SNED1: variants seen among roughly 807,000 people sequenced by gnomAD.
The protein encoded by SNED1 is sushi, nidogen and EGF-like domain-containing protein 1.
Under a neutral mutation model 166.7 loss-of-function variants are expected in SNED1, and 81 were observed. That is an observed-to-expected ratio of 0.49 (90% CI 0.41 to 0.58). The LOEUF is 0.58. SNED1 is among the 20% of genes least tolerant of loss of function. The pLI is 0.00. For missense variants in SNED1, 1,604 were observed against 2,000.2 expected (o/e 0.80, Z 3.78); for synonymous variants, 762 against 822.0 (o/e 0.93, Z 1.25).
At position 241,064,398 on chromosome 2, in the gene SNED1, C is replaced by T. The variant is rs1240067669; in HGVS notation, c.2599+273C>T. On this transcript the variant is annotated intron_variant, in intron 19 of 31. Coordinates refer to ENST00000310397, the MANE Select transcript of SNED1 (RefSeq NM_001080437.3). This position sits in a 1 kb window ranked among gnomAD's most constrained non-coding sequence, Gnocchi z 7.0. Reference sequence around the variant, plus strand: ...GAGGACACACCCAGGGGTGGGGCCTCACGTCCACACATAGGCCCTGCTGCC... The same window carrying T: ...GAGGACACACCCAGGGGTGGGGCCTTACGTCCACACATAGGCCCTGCTGCC... Among the ~76,000 whole-genome samples the T allele has an allele frequency of 6.6e-6, 1 of 152,180 alleles. No individual in the cohort carries two copies. The highest frequency in any genetic ancestry group is 1.5e-5 in the Non-Finnish European group (1 of 68,022).
At chr2:241,016,885 T>C (rs1404888456) in intron 1 of SNED1, among the ~76,000 whole-genome samples, 2 of 148,588 alleles carry the variant, frequency 1.3e-5, no homozygotes, top group African/African-American at 2.5e-5. Context: ...GAGGTTTTGC[T>C]CTTGTCGCCC....
rs2062582602 is a variant in SNED1, at chr2:241,068,889, C to G, written c.3195-22C>G. ...CAGGTCCCAGACATCCCTGTTCTCT[C>G]TTTGTCACCTCCTGCCCACAGGGCC... On this transcript the variant is annotated intron_variant, in intron 22 of 31. Coordinates refer to ENST00000310397, the MANE Select transcript of SNED1 (RefSeq NM_001080437.3). The surrounding 1 kb of genome is among the most constrained non-coding windows in gnomAD (Gnocchi z 5.3). The G allele has an allele frequency of 1.3e-6, 2 of 1,507,356 alleles. No individual in the cohort carries two copies. The highest frequency in any genetic ancestry group is 1.8e-6 in the Non-Finnish European group (2 of 1,110,546). The allele number at this position is 1,507,356 out of a possible 1,614,324, so 93.4% of individuals were successfully genotyped here.
At chr2:241,083,068 C>T (rs1017419072) in intron 29 of SNED1, among the ~76,000 whole-genome samples, 1 of 151,172 alleles carries the variant, frequency 6.6e-6, no homozygotes, top group African/African-American at 2.4e-5. Context: ...AGACAACAGA[C>T]AGCAGTGAGA....
chr2:241,036,789 G>GCGTC lies in SNED1; in HGVS notation c.809_812dup (p.Cys272ArgfsTer77), dbSNP rs766405717. 2.5e-6 allele frequency: 4 copies of GCGTC among 1,607,514 alleles called. No individual in the cohort carries two copies. The highest frequency in any genetic ancestry group is 3.4e-6 in the Non-Finnish European group (4 of 1,179,578). On this transcript the variant is annotated frameshift_variant and splice_region_variant. Coordinates refer to ENST00000310397, the MANE Select transcript of SNED1 (RefSeq NM_001080437.3). LOFTEE classifies it high-confidence loss of function. ...GCTCCAGCCCCTCCCTATGTCTGCA[G>GCGTC]CGTCCGTGTGCCTGGCCCTGCGCCC...
At chr2:241,044,172 G>A (rs745814261) in intron 8 of SNED1, among the ~76,000 whole-genome samples, 9 of 152,198 alleles carry the variant, frequency 5.9e-5, no homozygotes, top group African/African-American at 9.7e-5. Flanking sequence ...AGTAAAAGCC[G>A]ATAGCAAGAT....
intron 1 of SNED1, among the ~76,000 whole-genome samples, chr2:241,021,110 G>A (rs918399440): frequency 1.3e-5 from 2 of 152,136 alleles, no homozygotes; most frequent in African/African-American, 2.4e-5. Flanking sequence ...AGGAATTGGG[G>A]GCTCAGCACA....
At chr2:241,036,212 C>A (rs569632554) in intron 4 of SNED1, among the ~76,000 whole-genome samples, 1 of 151,774 alleles carries the variant, frequency 6.6e-6, no homozygotes, top group East Asian at 1.9e-4. Flanking sequence ...CAGGTGGTGC[C>A]GCGACGAAGG....
At position 240,999,727 on chromosome 2, in the gene SNED1, A is replaced by G. The variant is rs2106516302; in HGVS notation, c.213+677A>G. On this transcript the variant is annotated intron_variant, in intron 1 of 31. Coordinates refer to ENST00000310397, the MANE Select transcript of SNED1 (RefSeq NM_001080437.3). The surrounding 1 kb of genome is among the most constrained non-coding windows in gnomAD (Gnocchi z 5.8). ...ATGACAGCAGGCTCAGCTCAGCTGA[A>G]GGAACAGGCCCGAGTGCCGGTTCTG... is the stretch of plus-strand genomic sequence containing the variant. 6.6e-6 allele frequency among the ~76,000 whole-genome samples: 1 copy of G among 152,302 alleles called. No individual in the cohort carries two copies. The highest frequency in any genetic ancestry group is 1.9e-4 in the East Asian group (1 of 5,172).
At position 241,073,378 on chromosome 2, in the gene SNED1, G is replaced by A. The variant is rs1005380705; in HGVS notation, c.3916+14G>A. The A allele has an allele frequency of 1.1e-5, 17 of 1,554,046 alleles. No homozygotes were observed. Among genetic ancestry groups the A allele is most frequent in the Non-Finnish European group, 1.5e-5 (17 of 1,147,886 alleles). ...AGGACATCGGAAGTGAGTCAGCAGCGCTGGTGGGGACTTTGGGACTGACTG... is the reference window on the plus strand; with the variant it reads ...AGGACATCGGAAGTGAGTCAGCAGCACTGGTGGGGACTTTGGGACTGACTG... On this transcript the variant is annotated intron_variant, in intron 27 of 31. Coordinates refer to ENST00000310397, the MANE Select transcript of SNED1 (RefSeq NM_001080437.3). This position sits in a 1 kb window ranked among gnomAD's most constrained non-coding sequence, Gnocchi z 6.6.
intron 1 of SNED1, among the ~76,000 whole-genome samples, chr2:241,026,083 T>G (rs1183665224): frequency 3.0e-5 from 4 of 135,274 alleles, no homozygotes; most frequent in African/African-American, 1.1e-4. Context: ...TGGCACGATC[T>G]TGGCTCACTG....
At chr2:241,072,744 A>G (rs1203362943) in intron 26 of SNED1, 1 of 194,596 alleles carries the variant, frequency 5.1e-6, no homozygotes. Flanking sequence ...GATCTGGAGT[A>G]CAGAGGGGGG....
chr2:241,089,785 G>A (rs1337858610), intron 31 of SNED1, among the ~76,000 whole-genome samples: 7 of 152,234 alleles, frequency 4.6e-5, no homozygotes, highest in South Asian at 2.1e-4. Flanking sequence ...ACATCATAGC[G>A]CATACTTAGA....
intron 27 of SNED1, among the ~76,000 whole-genome samples, chr2:241,080,441 G>A (rs13384084): frequency 0.038 from 5,818 of 152,222 alleles, 388 homozygotes; most frequent in African/African-American, 0.13. Flanking sequence ...AATAGGGAGC[G>A]GTGTGAGTGC....
At chr2:241,021,872 C>A (rs1268106326) in intron 1 of SNED1, among the ~76,000 whole-genome samples, 1 of 152,144 alleles carries the variant, frequency 6.6e-6, no homozygotes, top group Non-Finnish European at 1.5e-5. Flanking sequence ...AGCAGCTGTA[C>A]CATTTTATAT....
chr2:241,042,980 C>A (rs976570281), intron 8 of SNED1, among the ~76,000 whole-genome samples: 1 of 151,306 alleles, frequency 6.6e-6, no homozygotes, highest in African/African-American at 2.4e-5. Context: ...GGATGAAGAA[C>A]AGTATCAAGC....
chr2:241,072,926 A>C, intron 26 of SNED1: 2 of 344,456 alleles, frequency 5.8e-6, no homozygotes, highest in Non-Finnish European at 5.3e-6. Flanking sequence ...CAGGGGTGGA[A>C]GGAGAGGAAT....
In SNED1 at chr2:241,056,580, A is replaced by ATTTTTTTTTTTTT. The variant is rs1172411061; in HGVS notation, c.2257+3260_2257+3272dup. Among the ~76,000 whole-genome samples, 124 of 111,212 alleles carry ATTTTTTTTTTTTT rather than the reference A, an allele frequency of 1.1e-3. 5 individuals are homozygous for ATTTTTTTTTTTTT. Among genetic ancestry groups the ATTTTTTTTTTTTT allele is most frequent in the South Asian group, 1.9e-3 (6 of 3,226 alleles). The allele number at this position is 111,212 out of a possible 152,430, so 73.0% of individuals were successfully genotyped here. A position where few individuals can be genotyped will look rare whatever the true frequency, so the allele number is the denominator to read the frequency against. On this transcript the variant is annotated intron_variant, in intron 16 of 31. Coordinates refer to ENST00000310397, the MANE Select transcript of SNED1 (RefSeq NM_001080437.3). ...GAATTAGGAATTCTGAATAAGTGAAATTTTTTTTTTTTTTTTTTGAGACGG... is the reference window on the plus strand; with the variant it reads ...GAATTAGGAATTCTGAATAAGTGAAATTTTTTTTTTTTTTTTTTTTTTTTTTTTTTTGAGACGG...
In SNED1 at chr2:241,066,093, C is replaced by T. The variant is rs571061763; in HGVS notation, c.3010+498C>T. ...AATCGGGAAGAGCCGTGGGGCAGGC[C>T]CTAGATGGAATGACAGACCCAGAGC... On this transcript the variant is annotated intron_variant, in intron 21 of 31. Transcript: ENST00000310397. Among the ~76,000 whole-genome samples the T allele has an allele frequency of 5.3e-4, 80 of 152,178 alleles. No individual in the cohort carries two copies. The South Asian group carries it at 7.7e-3, about 15-fold the overall frequency.
chr2:241,031,384 C>T (rs1436960366), intron 2 of SNED1, among the ~76,000 whole-genome samples: 5 of 152,170 alleles, frequency 3.3e-5, no homozygotes, highest in African/African-American at 4.8e-5. Context: ...AGGCTGGTCT[C>T]GAACTCCTGA....
Sources: gnomAD v4.1 joint callset for allele counts (sites outside exome capture counted in the v4.1 genomes callset) on GRCh38, gnomAD v4.1.1 for gene constraint, Gnocchi (gnomAD v3.1) non-coding constraint, MANE v1.5 for transcripts, NCBI Gene and HGNC (gene_info 2026-07-23, HGNC 2026-07-21) for gene names.